Variants in CACNA1C observed in about 807,000 individuals in gnomAD.
The protein encoded by CACNA1C is calcium voltage-gated channel subunit alpha1 C, also known as voltage-dependent L-type calcium channel subunit alpha-1C.
CACNA1C carries 30 observed loss-of-function variants against 229.0 expected under a neutral mutation model. The observed-to-expected ratio is 0.13, with a 90% CI of 0.10 to 0.18. The LOEUF (loss-of-function observed/expected upper bound fraction) is 0.18, where lower values mean the gene tolerates loss of function less well. CACNA1C is among the 10% of genes least tolerant of loss of function. The probability of loss-of-function intolerance (pLI) is 1.00; values close to 1 mark genes in which losing one functional copy is unlikely to be tolerated. For synonymous variants in CACNA1C, 1,114 were observed against 1,132.5 expected (o/e 0.98, Z 0.33); for missense variants, 1,658 against 2,845.0 (o/e 0.58, Z 9.49).
rs1049631701 is a variant in CACNA1C at position 2,481,228 on chromosome 12, C to T, written c.758-4876C>T. 2.6e-5 allele frequency among the ~76,000 whole-genome samples: 4 copies of T among 152,252 alleles called. No individual in the cohort carries two copies. In the South Asian group the frequency reaches 6.2e-4, roughly 24 times the overall value. ...GAGGATGTGATCTGTTGTCAGCCCT[C>T]GTCAGTCATGGTGGACAATATGGAC... On this transcript the variant is annotated intron_variant, in intron 5 of 46. Coordinates refer to ENST00000399655, the MANE Select transcript of CACNA1C (RefSeq NM_000719.7).
chr12:2,495,669 T>C (rs1478977584), intron 7 of CACNA1C, among the ~76,000 whole-genome samples: 1 of 152,138 alleles, frequency 6.6e-6, no homozygotes, highest in Non-Finnish European at 1.5e-5. Context: ...GGGGAGCGTG[T>C]GATAGTGCTC....
At chr12:2,380,606 A>G (rs1352278683) in intron 3 of CACNA1C, among the ~76,000 whole-genome samples, 1 of 152,084 alleles carries the variant, frequency 6.6e-6, no homozygotes, top group Non-Finnish European at 1.5e-5. Context: ...GTGTTCCCCC[A>G]TCCCTCTTTC....
At chr12:2,627,642 A>AC (rs1367813909) in intron 29 of CACNA1C, among the ~76,000 whole-genome samples, 2 of 151,286 alleles carry the variant, frequency 1.3e-5, no homozygotes, top group African/African-American at 4.9e-5. Context: ...TCTTGCAGGG[A>AC]CCCCCTTCCC....
At chr12:2,546,856 T>C (rs1248377895) in intron 9 of CACNA1C, among the ~76,000 whole-genome samples, 1 of 152,234 alleles carries the variant, frequency 6.6e-6, no homozygotes, top group African/African-American at 2.4e-5. Flanking sequence ...TAGAATTGAA[T>C]TATTGAACTG....
intron 9 of CACNA1C, among the ~76,000 whole-genome samples, chr12:2,513,856 C>G (rs1400864646): frequency 6.6e-6 from 1 of 152,162 alleles, no homozygotes. Flanking sequence ...TGACAACTCC[C>G]CCAGGTGATC....
At chr12:2,235,924 C>G (rs535558242) in intron 3 of CACNA1C, among the ~76,000 whole-genome samples, 3 of 152,304 alleles carry the variant, frequency 2.0e-5, no homozygotes, top group African/African-American at 7.2e-5. Context: ...TAAATGAATT[C>G]ATTTGACGTT....
At chr12:2,063,305 C>A (rs1298347008) in intron 1 of CACNA1C, among the ~76,000 whole-genome samples, 9 of 152,154 alleles carry the variant, frequency 5.9e-5, no homozygotes, top group Non-Finnish European at 1.3e-4. Flanking sequence ...GCACCCACCA[C>A]CATGCCTGGC....
chr12:2,320,145 C>T (rs1169483269), intron 3 of CACNA1C, among the ~76,000 whole-genome samples: 2 of 152,148 alleles, frequency 1.3e-5, no homozygotes, highest in Non-Finnish European at 1.5e-5. Flanking sequence ...TGACCTGGGC[C>T]CCTGACTCCA....
intron 1 of CACNA1C, among the ~76,000 whole-genome samples, chr12:2,056,293 T>C (rs1366166347): frequency 3.3e-5 from 5 of 151,742 alleles, no homozygotes; most frequent in East Asian, 1.9e-4. Flanking sequence ...TGGAAGTTCA[T>C]TGAAGGACCA....
intron 3 of CACNA1C, among the ~76,000 whole-genome samples, chr12:2,447,687 C>T (rs2099312348): frequency 6.6e-6 from 1 of 152,340 alleles, no homozygotes; most frequent in South Asian, 2.1e-4. Context: ...TCTGGCCCTG[C>T]TCCCGATGGC....
At chr12:2,436,392 G>A (rs528028270) in intron 3 of CACNA1C, among the ~76,000 whole-genome samples, 13 of 152,158 alleles carry the variant, frequency 8.5e-5, no homozygotes, top group South Asian at 8.3e-4. Flanking sequence ...TCCTCACCCC[G>A]GCCTCTCTAA....
At chr12:2,093,228 G>A (rs1446144477) in intron 1 of CACNA1C, among the ~76,000 whole-genome samples, 2 of 152,232 alleles carry the variant, frequency 1.3e-5, no homozygotes, top group African/African-American at 4.8e-5. Context: ...TATGCAGTGG[G>A]GCCTCTCCTT....
intron 29 of CACNA1C, among the ~76,000 whole-genome samples, chr12:2,617,829 G>C (rs1042348675): frequency 6.6e-6 from 1 of 152,228 alleles, no homozygotes; most frequent in African/African-American, 2.4e-5. Context: ...AAGTTGGAAT[G>C]AGGAGGTGGG....
Position 2,694,155 on chromosome 12 carries a change from A to G in CACNA1C, c.*2956A>G, listed in dbSNP as rs967267103. The G allele has an allele frequency of 1.3e-5, 2 of 152,248 alleles. No homozygotes were observed. The highest frequency in any genetic ancestry group is 2.9e-5 in the Non-Finnish European group (2 of 68,040). The allele number at this position is 152,248 out of a possible 1,614,324, so 9.4% of individuals were successfully genotyped here. A position where few individuals can be genotyped will look rare whatever the true frequency, so the allele number is the denominator to read the frequency against. On this transcript the variant is annotated 3_prime_UTR_variant, in exon 47 of 47. Coordinates refer to ENST00000399655, the MANE Select transcript of CACNA1C (RefSeq NM_000719.7). ...GTTCCCTGTCTAGGGCAGGAGGACT[A>G]TCCTAGCTTGACCTTCTGATCCACT... is the stretch of plus-strand genomic sequence containing the variant.
At chr12:2,059,681 G>T (rs777298774) in intron 1 of CACNA1C, among the ~76,000 whole-genome samples, 1 of 152,158 alleles carries the variant, frequency 6.6e-6, no homozygotes, top group East Asian at 1.9e-4. Context: ...GTCTCTTTGG[G>T]AATTTACTTT....
chr12:2,317,234 C>G (rs118091901), intron 3 of CACNA1C, among the ~76,000 whole-genome samples: 1 of 152,184 alleles, frequency 6.6e-6, no homozygotes, highest in Non-Finnish European at 1.5e-5. Context: ...GCATCACTCA[C>G]AAAAGCCAAA....
chr12:2,697,410 G>A lies in CACNA1C; in HGVS notation c.*6211G>A, dbSNP rs2097849985. 6.6e-6 allele frequency: 1 copy of A among 152,112 alleles called. No individual in the cohort carries two copies. The highest frequency in any genetic ancestry group is 2.1e-4 in the South Asian group (1 of 4,818). 9.4% of individuals were successfully genotyped at this position (152,112 alleles called of 1,614,324 possible). A position where few individuals can be genotyped will look rare whatever the true frequency, so the allele number is the denominator to read the frequency against. On this transcript the variant is annotated 3_prime_UTR_variant, in exon 47 of 47. Coordinates refer to ENST00000399655, the MANE Select transcript of CACNA1C (RefSeq NM_000719.7). ...ATTCCCCGTTGGTGAAGCACTGAAA[G>A]GTCTATTACTCTCATAATATTGCTG... is the stretch of plus-strand genomic sequence containing the variant.
chr12:2,142,438 A>C (rs2094329434), intron 3 of CACNA1C, among the ~76,000 whole-genome samples: 1 of 151,330 alleles, frequency 6.6e-6, no homozygotes, highest in Non-Finnish European at 1.5e-5. Context: ...TGTACAGTAC[A>C]CAATACTTGA....
chr12:2,359,828 A>G (rs2097505485), intron 3 of CACNA1C, among the ~76,000 whole-genome samples: 1 of 152,066 alleles, frequency 6.6e-6, no homozygotes, highest in Non-Finnish European at 1.5e-5. Context: ...TTAAAGTGGG[A>G]GGTAGGGGAG....
Sources: allele counts gnomAD v4.1 joint callset (sites outside exome capture counted in the v4.1 genomes callset), GRCh38; gene constraint gnomAD v4.1.1; transcripts MANE v1.5; gene names NCBI Gene and HGNC (gene_info 2026-07-23, HGNC 2026-07-21).